The following OTUD7A variants were observed in gnomAD, a reference collection of about 807,000 sequenced individuals.
OTUD7A encodes the protein OTU deubiquitinase 7A, also known as OTU domain-containing protein 7A.
In OTUD7A, 12 loss-of-function variants were observed where a neutral mutation model predicts 65.7. The observed-to-expected ratio is 0.18, with a 90% CI of 0.12 to 0.30. OTUD7A has a LOEUF of 0.30. Ranked by LOEUF, OTUD7A falls within the 10% of genes least tolerant of loss-of-function variation. The pLI is 1.00. For missense variants in OTUD7A, 1,148 were observed against 1,304.8 expected, an observed-to-expected ratio of 0.88 and a Z score of 1.85; for synonymous variants, 641 against 586.3, an observed-to-expected ratio of 1.09 and a Z score of -1.35.
intron 3 of OTUD7A, among the ~76,000 whole-genome samples, chr15:31,639,924 G>C (rs1467041757): frequency 6.6e-6 from 1 of 152,182 alleles, no homozygotes; most frequent in African/African-American, 2.4e-5. Flanking sequence ...TACTTTACCA[G>C]ATATATGATT....
intron 8 of OTUD7A, among the ~76,000 whole-genome samples, chr15:31,515,579 T>A (rs180755738): frequency 6.6e-6 from 1 of 151,820 alleles, no homozygotes; most frequent in Admixed American, 6.6e-5. Context: ...CCTATCTATC[T>A]ATCCATCCAT....
At chr15:31,723,298 C>T (rs563316938) in intron 1 of OTUD7A, among the ~76,000 whole-genome samples, 2 of 152,164 alleles carry the variant, frequency 1.3e-5, no homozygotes, top group East Asian at 1.9e-4. Context: ...CACAATCTGC[C>T]CTTGTTTGTG....
At chr15:31,761,791 G>A (rs1287046463) in intron 1 of OTUD7A, among the ~76,000 whole-genome samples, 2 of 152,194 alleles carry the variant, frequency 1.3e-5, no homozygotes, top group African/African-American at 2.4e-5. Context: ...TACATGCAAT[G>A]TGATATATCC....
chr15:31,611,988 G>A (rs890840256), intron 3 of OTUD7A, among the ~76,000 whole-genome samples: 3 of 152,110 alleles, frequency 2.0e-5, no homozygotes, highest in African/African-American at 7.2e-5. Flanking sequence ...ATGCAGAAAC[G>A]ATTTAACATA....
At position 31,608,248 on chromosome 15, in the gene OTUD7A, G is replaced by GA. The variant is rs200216223; in HGVS notation, c.152-38052dup. Among the ~76,000 whole-genome samples, 46 of 148,716 alleles carry GA rather than the reference G, an allele frequency of 3.1e-4. No individual in the cohort carries two copies. In the East Asian group the frequency reaches 6.3e-3, roughly 20 times the overall value. On this transcript the variant is annotated intron_variant, in intron 3 of 12. Coordinates refer to ENST00000307050, the MANE Select transcript of OTUD7A (RefSeq NM_001382637.1). Reference sequence around the variant, plus strand: ...GAGACTGAGACTCCATCTCAAAGAAGAAAAAAAAAGAATTTTGGCAGGGAA... The same window carrying GA: ...GAGACTGAGACTCCATCTCAAAGAAGAAAAAAAAAAGAATTTTGGCAGGGAA...
intron 5 of OTUD7A, among the ~76,000 whole-genome samples, chr15:31,531,520 C>CAAAAAAAAAAAAAAAA (rs60332452): frequency 6.2e-5 from 5 of 80,146 alleles, no homozygotes; most frequent in Admixed American, 1.5e-4. Flanking sequence ...GAGTAGGCCA[C>CAAAAAAAAAAAAAAAA]AAAAAAAAAA....
At chr15:31,517,817 C>T (rs979155273) in intron 8 of OTUD7A, among the ~76,000 whole-genome samples, 2 of 152,120 alleles carry the variant, frequency 1.3e-5, no homozygotes, top group Non-Finnish European at 2.9e-5. Context: ...ATCTCAGGCC[C>T]CAGGGAACAG....
intron 8 of OTUD7A, among the ~76,000 whole-genome samples, chr15:31,515,970 G>A (rs953825701): frequency 5.1e-5 from 7 of 138,504 alleles, no homozygotes; most frequent in Non-Finnish European, 7.8e-5. Flanking sequence ...ACCCACCTAC[G>A]CACGCATCCA....
intron 1 of OTUD7A, among the ~76,000 whole-genome samples, chr15:31,720,984 T>G (rs1165964267): frequency 6.6e-6 from 1 of 152,014 alleles, no homozygotes; most frequent in Non-Finnish European, 1.5e-5. Context: ...CCTGTAGTAT[T>G]CAGTACAGCA....
At position 31,598,989 on chromosome 15, in the gene OTUD7A, A is replaced by G. The variant is rs1049135808; in HGVS notation, c.152-28792T>C. Among the ~76,000 whole-genome samples the G allele has an allele frequency of 1.2e-4, 18 of 152,210 alleles. No homozygotes were observed. The South Asian group carries it at 1.7e-3, about 14-fold the overall frequency. ...CTCTGGGCAGGGCATCTCTAAAAAA[A>G]AAGGCAGCAGCCCCAGTCAGGGACT... is the stretch of plus-strand genomic sequence containing the variant. On this transcript the variant is annotated intron_variant, in intron 3 of 12. Coordinates refer to ENST00000307050, the MANE Select transcript of OTUD7A (RefSeq NM_001382637.1).
intron 1 of OTUD7A, among the ~76,000 whole-genome samples, chr15:31,776,134 T>C (rs1016106023): frequency 1.3e-5 from 2 of 152,322 alleles, no homozygotes; most frequent in African/African-American, 4.8e-5. Context: ...ATTCTGGGCC[T>C]ATGCTTCGGG....
At chr15:31,822,173 T>G (rs1160761635) in intron 1 of OTUD7A, among the ~76,000 whole-genome samples, 1 of 152,246 alleles carries the variant, frequency 6.6e-6, no homozygotes, top group Non-Finnish European at 1.5e-5. Context: ...CAGTGGTAGC[T>G]CTCTGAAGTG....
In OTUD7A at chr15:31,619,940, C is replaced by A. The variant is rs570899659; in HGVS notation, c.151+35156G>T. Among the ~76,000 whole-genome samples the A allele has an allele frequency of 6.0e-4, 91 of 152,274 alleles. 2 individuals are homozygous for A. The highest frequency in any genetic ancestry group is 3.4e-3 in the Middle Eastern group (1 of 294). ...GCTCTTATTATTTCGAGATATGTCC[C>A]ATCAATACCTAATTTATTGAGAGTT... is the stretch of plus-strand genomic sequence containing the variant. On this transcript the variant is annotated intron_variant, in intron 3 of 12. Coordinates refer to ENST00000307050, the MANE Select transcript of OTUD7A (RefSeq NM_001382637.1).
At chr15:31,679,565 G>A (rs1892665979) in intron 1 of OTUD7A, among the ~76,000 whole-genome samples, 1 of 152,066 alleles carries the variant, frequency 6.6e-6, no homozygotes, top group African/African-American at 2.4e-5. Flanking sequence ...GTTCTCATGA[G>A]ATATGATGGC....
chr15:31,756,919 C>T (rs1894832771), intron 1 of OTUD7A, among the ~76,000 whole-genome samples: 1 of 152,102 alleles, frequency 6.6e-6, no homozygotes, highest in Admixed American at 6.5e-5. Context: ...TATGTGGGGG[C>T]CACCGAAGTT....
chr15:31,747,395 G>A (rs73378626), intron 1 of OTUD7A, among the ~76,000 whole-genome samples: 2,730 of 152,264 alleles, frequency 0.018, 88 homozygotes, highest in African/African-American at 0.063. Context: ...AGCAAAGACT[G>A]TAAAAGGAAA....
intron 1 of OTUD7A, among the ~76,000 whole-genome samples, chr15:31,857,425 G>A (rs1706201565): frequency 6.6e-6 from 1 of 152,006 alleles, no homozygotes; most frequent in Non-Finnish European, 1.5e-5. Flanking sequence ...CTCTCACCCA[G>A]GCCTGGCCTG....
chr15:31,628,231 ATG>A (rs1891026202), intron 3 of OTUD7A, among the ~76,000 whole-genome samples: 1 of 152,162 alleles, frequency 6.6e-6, no homozygotes, highest in African/African-American at 2.4e-5. Context: ...TTTAGGTCTA[ATG>A]TTTAAGTCTT....
At chr15:31,582,996 T>A (rs1889418125) in intron 3 of OTUD7A, among the ~76,000 whole-genome samples, 1 of 152,188 alleles carries the variant, frequency 6.6e-6, no homozygotes, top group Admixed American at 6.5e-5. Flanking sequence ...TACATATGAT[T>A]TGAGGGATTT....
Sources: gnomAD v4.1 joint callset for allele counts (sites outside exome capture counted in the v4.1 genomes callset) on GRCh38, gnomAD v4.1.1 for gene constraint, MANE v1.5 for transcripts, NCBI Gene and HGNC (gene_info 2026-07-23, HGNC 2026-07-21) for gene names.